Variants in RANBP2 observed in about 807,000 individuals in gnomAD.
RANBP2 encodes the protein E3 SUMO-protein ligase RanBP2.
In RANBP2, 57 loss-of-function variants were observed where a neutral mutation model predicts 303.6. That is an observed-to-expected ratio of 0.19 (90% CI 0.15 to 0.23). The LOEUF is 0.23. Among genes scored for constraint, RANBP2 ranks in the 10% least tolerant of loss-of-function variants. RANBP2 has a pLI of 1.00. For synonymous variants in RANBP2, 1,167 were observed against 1,301.5 expected, an observed-to-expected ratio of 0.90 and a Z score of 2.23; for missense variants, 3,138 against 3,780.8, an observed-to-expected ratio of 0.83 and a Z score of 4.46.
At chr2:109,393,885 G>GA in the RANBP2 span, among the ~76,000 whole-genome samples, 3,215 of 145,718 alleles carry the variant, frequency 0.022, 65 homozygotes, top group African/African-American at 0.055. Flanking sequence ...CCTTTTTTAA[G>GA]AAAAAAAAAA....
At chr2:109,239,525 A>G in the RANBP2 span, among the ~76,000 whole-genome samples, 2 of 152,162 alleles carry the variant, frequency 1.3e-5, no homozygotes, top group South Asian at 2.1e-4. Context: ...TTGGCCCCAT[A>G]TTTGACTCTG....
At chr2:109,085,773 TTA>T in the RANBP2 span, among the ~76,000 whole-genome samples, 1 of 151,950 alleles carries the variant, frequency 6.6e-6, no homozygotes, top group Non-Finnish European at 1.5e-5. Flanking sequence ...GCTAATTTTT[TTA>T]TTTTTTTTTA....
chr2:109,668,199 G>A, the RANBP2 span, among the ~76,000 whole-genome samples: 1 of 152,232 alleles, frequency 6.6e-6, no homozygotes, highest in Non-Finnish European at 1.5e-5. Context: ...AGCATCTGGA[G>A]CTGTCAAGAT....
chr2:109,471,598 C>T, the RANBP2 span, among the ~76,000 whole-genome samples: 1 of 152,182 alleles, frequency 6.6e-6, no homozygotes, highest in Non-Finnish European at 1.5e-5. Flanking sequence ...ATTGGAACAG[C>T]TCATGTAGGC....
At chr2:109,509,736 G>A in the RANBP2 span, among the ~76,000 whole-genome samples, 1 of 151,944 alleles carries the variant, frequency 6.6e-6, no homozygotes, top group Non-Finnish European at 1.5e-5. Context: ...AGTCAGGCCA[G>A]ATTAGGCCCA....
chr2:108,975,312 AC>A, the RANBP2 span, among the ~76,000 whole-genome samples: 1 of 152,154 alleles, frequency 6.6e-6, no homozygotes, highest in Non-Finnish European at 1.5e-5. Context: ...CTGGGTTCCC[AC>A]CCGTGTCTTC....
chr2:109,445,742 T>G, the RANBP2 span, among the ~76,000 whole-genome samples: 1 of 150,554 alleles, frequency 6.6e-6, no homozygotes, highest in African/African-American at 2.4e-5. Context: ...GGGAGGGGTG[T>G]GGGGAAGTAG....
chr2:109,482,879 TC>T, the RANBP2 span, among the ~76,000 whole-genome samples: 2 of 152,246 alleles, frequency 1.3e-5, no homozygotes, highest in Non-Finnish European at 2.9e-5. Context: ...TGCCTCCCGT[TC>T]CCTGCTATTT....
At chr2:109,482,020 G>A in the RANBP2 span, among the ~76,000 whole-genome samples, 3 of 152,220 alleles carry the variant, frequency 2.0e-5, no homozygotes, top group Admixed American at 1.3e-4. Context: ...TTACTGAATG[G>A]CGTACTGGGG....
chr2:109,044,607 CTCAT>C, the RANBP2 span, among the ~76,000 whole-genome samples: 130,196 of 151,804 alleles, frequency 0.86, 57,919 homozygotes, highest in Non-Finnish European at 0.97. Context: ...CCTTATCTGA[CTCAT>C]TCTGTTAAAA....
At chr2:109,499,223 C>A in the RANBP2 span, among the ~76,000 whole-genome samples, 6,557 of 152,230 alleles carry the variant, frequency 0.043, 192 homozygotes, top group Non-Finnish European at 0.066. Flanking sequence ...TCCTAGACAG[C>A]CTCGGCGTCT....
At chr2:109,235,258 C>A in the RANBP2 span, among the ~76,000 whole-genome samples, 1 of 152,182 alleles carries the variant, frequency 6.6e-6, no homozygotes. Flanking sequence ...TCTGGGAGGA[C>A]TGGTTGGTGG....
At chr2:109,241,576 G>C in the RANBP2 span, among the ~76,000 whole-genome samples, 1 of 151,930 alleles carries the variant, frequency 6.6e-6, no homozygotes, top group Non-Finnish European at 1.5e-5. Flanking sequence ...CTCCCACTTG[G>C]CCTCAGGCAT....
At chr2:109,415,794 C>G in the RANBP2 span, among the ~76,000 whole-genome samples, 1 of 152,208 alleles carries the variant, frequency 6.6e-6, no homozygotes, top group Non-Finnish European at 1.5e-5. Flanking sequence ...CACCACCCAC[C>G]CTCACCACCT....
At chr2:109,353,262 G>A in the RANBP2 span, among the ~76,000 whole-genome samples, 2 of 152,188 alleles carry the variant, frequency 1.3e-5, no homozygotes, top group Admixed American at 6.5e-5. Flanking sequence ...CCCTGCAGCC[G>A]AGCCCACTGC....
the RANBP2 span, among the ~76,000 whole-genome samples, chr2:109,045,477 A>G: frequency 6.6e-6 from 1 of 152,182 alleles, no homozygotes; most frequent in African/African-American, 2.4e-5. Flanking sequence ...TCCACAAGCC[A>G]CAGTGAAGAG....
At chr2:109,688,849 T>C in the RANBP2 span, among the ~76,000 whole-genome samples, 1 of 150,106 alleles carries the variant, frequency 6.7e-6, no homozygotes, top group African/African-American at 2.5e-5. Flanking sequence ...ATGCTGTCTA[T>C]AGCTTCCTTT....
the RANBP2 span, among the ~76,000 whole-genome samples, chr2:109,358,774 A>G: frequency 1.9e-4 from 29 of 152,304 alleles, no homozygotes; most frequent in African/African-American, 6.3e-4. Context: ...CAGAGTACAA[A>G]TTACTAATTT....
chr2:109,280,063 C>T, the RANBP2 span, among the ~76,000 whole-genome samples: 1 of 152,216 alleles, frequency 6.6e-6, no homozygotes, highest in Non-Finnish European at 1.5e-5. Context: ...GGCTCCCCTC[C>T]TATTTTTTTC....
Sources: allele counts gnomAD v4.1 joint callset (sites outside exome capture counted in the v4.1 genomes callset), GRCh38; gene constraint gnomAD v4.1.1; transcripts MANE v1.5; gene names NCBI Gene and HGNC (gene_info 2026-07-23, HGNC 2026-07-21).